IGSF21: variants seen among roughly 807,000 people sequenced by gnomAD.
IGSF21 encodes the protein immunoglobulin superfamily member 21.
In IGSF21, 28 loss-of-function variants were observed where a neutral mutation model predicts 46.8. That is an observed-to-expected ratio of 0.60 (90% CI 0.44 to 0.82). IGSF21 has a LOEUF of 0.82. Ranked by LOEUF, IGSF21 falls within the 40% of genes least tolerant of loss-of-function variation. The pLI is 0.00. For synonymous variants in IGSF21, 284 were observed against 273.6 expected (o/e 1.04, Z -0.38); for missense variants, 624 against 665.5 (o/e 0.94, Z 0.69).
At chr1:18,201,248 C>T (rs2087071275) in intron 1 of IGSF21, among the ~76,000 whole-genome samples, 1 of 152,086 alleles carries the variant, frequency 6.6e-6, no homozygotes, top group Admixed American at 6.5e-5. Flanking sequence ...ATGGAGCTCC[C>T]TGGAGGTCAG....
chr1:18,113,952 C>G (rs1249070062), intron 1 of IGSF21: 1 of 152,132 alleles, frequency 6.6e-6, no homozygotes, highest in Non-Finnish European at 1.5e-5. Flanking sequence ...TTGCGTTACT[C>G]GACTTTTTCG....
intron 2 of IGSF21, among the ~76,000 whole-genome samples, chr1:18,243,530 C>A (rs1048280251): frequency 4.6e-5 from 7 of 152,200 alleles, no homozygotes; most frequent in African/African-American, 7.2e-5. Context: ...CCACTCTTGT[C>A]CCCTCAGCCC....
At chr1:18,113,900 A>G (rs972435044) in intron 1 of IGSF21, 1 of 152,152 alleles carries the variant, frequency 6.6e-6, no homozygotes, top group Non-Finnish European at 1.5e-5. Flanking sequence ...TACTAGTGTT[A>G]ACCATGGTAA....
intron 3 of IGSF21, among the ~76,000 whole-genome samples, chr1:18,312,230 T>C (rs1313116390): frequency 2.0e-5 from 3 of 152,204 alleles, no homozygotes; most frequent in Non-Finnish European, 2.9e-5. Flanking sequence ...ATCTGTTGAA[T>C]GAATGAATTA....
chr1:18,251,786 A>G (rs1026044001), intron 2 of IGSF21, among the ~76,000 whole-genome samples: 2 of 152,134 alleles, frequency 1.3e-5, no homozygotes, highest in African/African-American at 4.8e-5. Flanking sequence ...AGGCTCTCCT[A>G]GTCTTCCTGA....
intron 6 of IGSF21, among the ~76,000 whole-genome samples, chr1:18,370,788 G>A (rs1354595801): frequency 1.3e-5 from 2 of 151,990 alleles, no homozygotes; most frequent in Non-Finnish European, 2.9e-5. Context: ...TTTTAAAAAA[G>A]AAAATATACA....
At chr1:18,265,670 G>A (rs917002611) in intron 2 of IGSF21, among the ~76,000 whole-genome samples, 1 of 152,176 alleles carries the variant, frequency 6.6e-6, no homozygotes, top group Non-Finnish European at 1.5e-5. Flanking sequence ...AAGGGACAGC[G>A]TCCTCCCTGC....
At chr1:18,164,403 C>G (rs1209382551) in intron 1 of IGSF21, among the ~76,000 whole-genome samples, 2 of 151,674 alleles carry the variant, frequency 1.3e-5, no homozygotes, top group Admixed American at 1.3e-4. Context: ...CTGTCTTTCC[C>G]TCCCTCCATC....
intron 2 of IGSF21, among the ~76,000 whole-genome samples, chr1:18,233,119 C>A (rs961178361): frequency 6.6e-6 from 1 of 152,188 alleles, no homozygotes; most frequent in African/African-American, 2.4e-5. Context: ...GTTTTCTCTC[C>A]TTCTTTTACA....
chr1:18,149,910 G>A lies in IGSF21; in HGVS notation c.70+41712G>A, dbSNP rs114436400. Among the ~76,000 whole-genome samples the A allele has an allele frequency of 8.4e-3, 1,277 of 152,198 alleles. 7 individuals carry two copies. Among genetic ancestry groups the A allele is most frequent in the Non-Finnish European group, 0.014 (947 of 68,010 alleles). On this transcript the variant is annotated intron_variant, in intron 1 of 9. Coordinates refer to ENST00000251296, the MANE Select transcript of IGSF21 (RefSeq NM_032880.5). The stretch of plus-strand genomic sequence containing the variant: ...ATGCCAAGCGCAAGTTTCACCATAC[G>A]CTAATTATTATTATAATAATTACAT...
intron 1 of IGSF21, among the ~76,000 whole-genome samples, chr1:18,125,200 C>T (rs750997953): frequency 7.9e-5 from 12 of 152,162 alleles, no homozygotes; most frequent in Admixed American, 1.3e-4. Flanking sequence ...ACATGTGGTT[C>T]GAACTCTGCG....
At chr1:18,149,424 A>T (rs943419788) in intron 1 of IGSF21, among the ~76,000 whole-genome samples, 1 of 152,218 alleles carries the variant, frequency 6.6e-6, no homozygotes. Flanking sequence ...GCTCAGACTC[A>T]TGGCTGTGCT....
chr1:18,336,405 G>A (rs147541038), intron 4 of IGSF21, among the ~76,000 whole-genome samples: 12 of 152,294 alleles, frequency 7.9e-5, no homozygotes, highest in Admixed American at 2.0e-4. Flanking sequence ...CCAAGGGTAC[G>A]TGCTAGCATT....
chr1:18,155,319 G>T (rs1375719708), intron 1 of IGSF21, among the ~76,000 whole-genome samples: 1 of 152,148 alleles, frequency 6.6e-6, no homozygotes, highest in African/African-American at 2.4e-5. Context: ...TCTGAGTTTT[G>T]GCCCTGGCTC....
intron 4 of IGSF21, among the ~76,000 whole-genome samples, chr1:18,358,756 G>T (rs1020737015): frequency 6.6e-6 from 1 of 152,168 alleles, no homozygotes; most frequent in Non-Finnish European, 1.5e-5. Flanking sequence ...TTCAGATCAG[G>T]AAACCAGGCT....
intron 3 of IGSF21, among the ~76,000 whole-genome samples, chr1:18,305,679 G>T (rs938621702): frequency 6.6e-6 from 1 of 152,206 alleles, no homozygotes; most frequent in Non-Finnish European, 1.5e-5. Flanking sequence ...TCAAGGAAAA[G>T]AAGTCATCTA....
intron 1 of IGSF21, among the ~76,000 whole-genome samples, chr1:18,218,237 G>A (rs964753059): frequency 6.6e-6 from 1 of 152,258 alleles, no homozygotes; most frequent in East Asian, 1.9e-4. Flanking sequence ...GGAGAAAGTG[G>A]GGGAGCTGCT....
intron 3 of IGSF21, among the ~76,000 whole-genome samples, chr1:18,293,685 G>A (rs1231892597): frequency 6.6e-6 from 1 of 152,180 alleles, no homozygotes; most frequent in African/African-American, 2.4e-5. Context: ...TAGCTATTCT[G>A]GAAACCACAG....
intron 4 of IGSF21, among the ~76,000 whole-genome samples, chr1:18,359,391 G>GAAGAAAGAAAGAAAGA (rs1557659680): frequency 1.9e-4 from 10 of 51,370 alleles, no homozygotes; most frequent in African/African-American, 8.0e-4. Context: ...AGAAAGGAAG[G>GAAGAAAGAAAGAAAGA]AAGGAAGGAA....
Sources: allele counts gnomAD v4.1 joint callset (sites outside exome capture counted in the v4.1 genomes callset), GRCh38; gene constraint gnomAD v4.1.1; transcripts MANE v1.5; gene names NCBI Gene and HGNC (gene_info 2026-07-23, HGNC 2026-07-21).